The following RPL7L1 variants were observed in gnomAD, a reference collection of about 807,000 sequenced individuals.
RPL7L1 encodes the protein ribosomal protein uL30-like.
A neutral mutation model predicts 30.3 loss-of-function variants in RPL7L1; 20 were observed. The observed-to-expected ratio is 0.66, with a 90% CI of 0.46 to 0.96. RPL7L1 has a LOEUF of 0.96. Ranked by LOEUF, RPL7L1 falls within the 40% of genes least tolerant of loss-of-function variation. The pLI is 0.00. For missense variants in RPL7L1, 271 were observed against 314.9 expected (o/e 0.86, Z 1.05); for synonymous variants, 107 against 110.1 (o/e 0.97, Z 0.18).
At position 42,881,058 on chromosome 6, in the gene RPL7L1, T is replaced by C. The variant is rs1254414965; in HGVS notation, c.147+92T>C. The C allele has an allele frequency of 8.2e-6, 6 of 730,448 alleles. No individual in the cohort carries two copies. The Admixed American group carries it at 1.3e-4, about 16-fold the overall frequency. The allele number at this position is 730,448 out of a possible 1,614,324, so 45.2% of individuals were successfully genotyped here. ...TGGACTACATTTGGTATTGACGAGC[T>C]CCCCCCAACGGTTTGACAGACCAGG... On this transcript the variant is annotated intron_variant, in intron 2 of 5. Transcript: ENST00000493763.
rs1766326736 is a variant in RPL7L1 at position 42,887,736 on chromosome 6, ATC to A, written c.*1273_*1274del. On this transcript the variant is annotated 3_prime_UTR_variant, in exon 6 of 6. Transcript: ENST00000493763. ...GAAGGAGTCCTGCTTTGTTGCATGTATCCTAGGGTTTAATGTTGGTAAATGAG... is the reference window on the plus strand; with the variant it reads ...GAAGGAGTCCTGCTTTGTTGCATGTACTAGGGTTTAATGTTGGTAAATGAG... 4.6e-5 allele frequency: 7 copies of A among 151,508 alleles called. No individual in the cohort carries two copies. Among genetic ancestry groups the A allele is most frequent in the Non-Finnish European group, 7.4e-5 (5 of 67,790 alleles). The allele number at this position is 151,508 out of a possible 1,614,324, so 9.4% of individuals were successfully genotyped here. A position where few individuals can be genotyped will look rare whatever the true frequency, so the allele number is the denominator to read the frequency against.
intron 2 of RPL7L1, 127 bp downstream of exon 2, chr6:42,881,093 C>G (rs1370415145): frequency 6.2e-6 from 4 of 642,144 alleles, no homozygotes; most frequent in Non-Finnish European, 8.4e-6. Flanking sequence ...GTATAGTTGT[C>G]TCTCAGTGTC....
chr6:42,884,508 G>C, intron 3 of RPL7L1, 105 bp from the exon 4 acceptor site: 1 of 1,008,362 alleles, frequency 9.9e-7, no homozygotes, highest in Non-Finnish European at 1.5e-6. Context: ...CATAGTCTCT[G>C]TGTCTTATTC....
At chr6:42,883,419 A>C (rs1456656426) in intron 2 of RPL7L1, 32 bp from the exon 3 acceptor site, 2 of 1,518,712 alleles carry the variant, frequency 1.3e-6, no homozygotes, top group African/African-American at 2.8e-5. Context: ...ATGGAGGCAC[A>C]AGATGATGAT....
rs1232166632 is a variant in RPL7L1, at chr6:42,887,501, T to G, written c.*1037T>G. The G allele has an allele frequency of 6.6e-6, 1 of 152,048 alleles. No individual in the cohort carries two copies. Among genetic ancestry groups the G allele is most frequent in the Non-Finnish European group, 1.5e-5 (1 of 68,006 alleles). The allele number at this position is 152,048 out of a possible 1,614,324, so 9.4% of individuals were successfully genotyped here. A position where few individuals can be genotyped will look rare whatever the true frequency, so the allele number is the denominator to read the frequency against. ...AGGAGGCTGAGGCAGGAGAATCGCT[T>G]GAACCTGGGAGGTGGAAGTTGCAGT... On this transcript the variant is annotated 3_prime_UTR_variant, in exon 6 of 6. Coordinates refer to ENST00000493763, the MANE Select transcript of RPL7L1 (RefSeq NM_001366481.3).
In RPL7L1 at chr6:42,888,096, C is replaced by G. The variant is rs544905515; in HGVS notation, c.*1632C>G. 7.2e-5 allele frequency: 11 copies of G among 152,118 alleles called. No individual in the cohort carries two copies. Among genetic ancestry groups the G allele is most frequent in the African/African-American group, 2.4e-4 (10 of 41,496 alleles). The allele number at this position is 152,118 out of a possible 1,614,324, so 9.4% of individuals were successfully genotyped here. On this transcript the variant is annotated 3_prime_UTR_variant, in exon 6 of 6. Coordinates refer to ENST00000493763, the MANE Select transcript of RPL7L1 (RefSeq NM_001366481.3). ...TTCGCCAGGAAAACATGTATACACT[C>G]AAAATTTTGCTTGCAGTTCTAGGGT...
At chr6:42,880,309 T>C (rs965062738) in intron 1 of RPL7L1, among the ~76,000 whole-genome samples, 3 of 152,120 alleles carry the variant, frequency 2.0e-5, no homozygotes, top group African/African-American at 7.2e-5. Context: ...CCCTGTTAAC[T>C]TATACGAACC....
intron 3 of RPL7L1, among the ~76,000 whole-genome samples, chr6:42,884,312 A>G (rs1766185074): frequency 6.6e-6 from 1 of 152,146 alleles, no homozygotes; most frequent in Admixed American, 6.5e-5. Context: ...AATCTTCAGT[A>G]GCTTTTACTG....
At position 42,880,944 on chromosome 6, in the gene RPL7L1, A is replaced by T; in HGVS notation, c.125A>T (p.Gln42Leu). ...YQALKATQAKQALLAKKEQKK... is the reference protein window; with the variant it reads ...YQALKATQAKLALLAKKEQKK... ...GCCCTCAAAGCCACCCAGGCAAAGC[A>T]GGCACTTTTGGCAAAGAAGGAGGTA... The change falls in exon 2 of 6, where the codon CAG (glutamine) becomes CTG (leucine). Residue 42 changes from glutamine (Q) to leucine (L), a missense_variant. Physicochemically the swap from Gln to Leu is moderately radical, Grantham distance 113 (BLOSUM62 -2). Transcript: ENST00000493763. 6.3e-7 allele frequency: 1 copy of T among 1,589,712 alleles called. No individual in the cohort carries two copies. The highest frequency in any genetic ancestry group is 1.3e-5 in the African/African-American group (1 of 74,502).
In RPL7L1 at chr6:42,883,468, G is replaced by A. The variant is rs1445611555; in HGVS notation, c.165G>A (p.Gly55=). The A allele has an allele frequency of 1.9e-6, 3 of 1,589,362 alleles. No individual in the cohort carries two copies. The highest frequency in any genetic ancestry group is 2.3e-5 in the South Asian group (2 of 86,454). Reference sequence around the variant, plus strand: ...CTCTGTAGCAGAAGAAAGGAAAAGGGCTCAGGTTTAAGCGACTGGAATCAT... The same window carrying A: ...CTCTGTAGCAGAAGAAAGGAAAAGGACTCAGGTTTAAGCGACTGGAATCAT... ...LAKKEQKKGK[G]LRFKRLESFL... The change falls in exon 3 of 6, where the codon GGG becomes GGA. Residue 55 remains glycine (G), a synonymous_variant. Coordinates refer to ENST00000493763, the MANE Select transcript of RPL7L1 (RefSeq NM_001366481.3).
Position 42,886,662 on chromosome 6 carries a change from A to C in RPL7L1, c.*198A>C. 1.7e-6 allele frequency: 1 copy of C among 574,442 alleles called. No homozygotes were observed. Among genetic ancestry groups the C allele is most frequent in the East Asian group, 2.9e-5 (1 of 34,176 alleles). 35.6% of individuals were successfully genotyped at this position (574,442 alleles called of 1,614,324 possible). A position where few individuals can be genotyped will look rare whatever the true frequency, so the allele number is the denominator to read the frequency against. Reference sequence around the variant, plus strand: ...CTGATTAGGACATGGGGCTATGCATAGCCTAAGAGTTATAGGCTTAAAGAT... The same window carrying C: ...CTGATTAGGACATGGGGCTATGCATCGCCTAAGAGTTATAGGCTTAAAGAT... On this transcript the variant is annotated 3_prime_UTR_variant, in exon 6 of 6. Transcript: ENST00000493763.
At position 42,886,909 on chromosome 6, in the gene RPL7L1, G is replaced by A. The variant is rs192495885; in HGVS notation, c.*445G>A. On this transcript the variant is annotated 3_prime_UTR_variant, in exon 6 of 6. Transcript: ENST00000493763. Reference sequence around the variant, plus strand: ...CTCGAGAGGCTAAGGCAGGAAAATCGCTTGAACCCAGGAGGCAGAGATTGC... The same window carrying A: ...CTCGAGAGGCTAAGGCAGGAAAATCACTTGAACCCAGGAGGCAGAGATTGC... The A allele has an allele frequency of 4.2e-3, 654 of 157,374 alleles. 3 individuals are homozygous for A. Among genetic ancestry groups the A allele is most frequent in the Admixed American group, 7.1e-3 (116 of 16,414 alleles). The allele number at this position is 157,374 out of a possible 1,614,324, so 9.7% of individuals were successfully genotyped here.
rs1766297504 is a variant in RPL7L1, at chr6:42,887,017, G to A, written c.*553G>A. ...CGGAAAAAAAAAAAAAAAAACTATT[G>A]CTGCAGTCATTCAGATGGAAATGAG... On this transcript the variant is annotated 3_prime_UTR_variant, in exon 6 of 6. Transcript: ENST00000493763. 2 of 146,430 alleles carry A rather than the reference G, an allele frequency of 1.4e-5. No homozygotes were observed. The highest frequency in any genetic ancestry group is 7.1e-3 in the Middle Eastern group (2 of 280). 9.1% of individuals were successfully genotyped at this position (146,430 alleles called of 1,614,324 possible). A position where few individuals can be genotyped will look rare whatever the true frequency, so the allele number is the denominator to read the frequency against.
intron 4 of RPL7L1, among the ~76,000 whole-genome samples, chr6:42,885,307 G>A (rs1766221080): frequency 7.2e-6 from 1 of 139,398 alleles, no homozygotes; most frequent in African/African-American, 2.7e-5. Context: ...CTGAGATTGT[G>A]CCACTGCAAT....
chr6:42,885,749 A>G (rs1766244293), intron 4 of RPL7L1: 2 of 451,484 alleles, frequency 4.4e-6, no homozygotes. Context: ...TCCCTGGTGA[A>G]CATTTACATC....
In RPL7L1 at chr6:42,884,599, G is replaced by C. The variant is rs1212566009; in HGVS notation, c.312-14G>C. The C allele has an allele frequency of 6.2e-7, 1 of 1,610,512 alleles. No individual in the cohort carries two copies. Among genetic ancestry groups the C allele is most frequent in the Admixed American group, 1.7e-5 (1 of 59,912 alleles). ...GGAGGGAGTCTGTCTGACTTCTGTTGCTGTTCATTTCAGGATTGACGGCGT... is the reference window on the plus strand; with the variant it reads ...GGAGGGAGTCTGTCTGACTTCTGTTCCTGTTCATTTCAGGATTGACGGCGT... On this transcript the variant is annotated splice_polypyrimidine_tract_variant and intron_variant, in intron 3 of 5. Transcript: ENST00000493763.
rs533594680 is a variant in RPL7L1 at position 42,886,718 on chromosome 6, G to A, written c.*254G>A. On this transcript the variant is annotated 3_prime_UTR_variant, in exon 6 of 6. Coordinates refer to ENST00000493763, the MANE Select transcript of RPL7L1 (RefSeq NM_001366481.3). ...GTAACTAAAAACTGTATTGCTGGCC[G>A]GGCGCGGTGGCTCACGCCTGTAATC... 6.8e-4 allele frequency: 256 copies of A among 378,554 alleles called. 5 individuals are homozygous for A. The highest frequency in any genetic ancestry group is 1.9e-4 in the Non-Finnish European group (39 of 201,178). The allele number at this position is 378,554 out of a possible 1,614,324, so 23.4% of individuals were successfully genotyped here. A position where few individuals can be genotyped will look rare whatever the true frequency, so the allele number is the denominator to read the frequency against.
chr6:42,885,920 T>G (rs914036889), intron 4 of RPL7L1, 54 bp from the exon 5 acceptor site: 60 of 927,104 alleles, frequency 6.5e-5, no homozygotes, highest in Admixed American at 1.9e-4. Context: ...GCTGCAGGAC[T>G]GGTATGTAGT....
chr6:42,886,484 G>A lies in RPL7L1; in HGVS notation c.*20G>A. ...AACTAGACCCAGGTGAGGCAGGGCT[G>A]AAAACTGCCCTTGGGCTGACTTTTG... is the stretch of plus-strand genomic sequence containing the variant. On this transcript the variant is annotated 3_prime_UTR_variant, in exon 6 of 6. Transcript: ENST00000493763. 7.8e-7 allele frequency: 1 copy of A among 1,276,332 alleles called. No homozygotes were observed. Among genetic ancestry groups the A allele is most frequent in the Non-Finnish European group, 1.1e-6 (1 of 896,726 alleles). 79.1% of individuals were successfully genotyped at this position (1,276,332 alleles called of 1,614,324 possible).
Sources: allele counts gnomAD v4.1 joint callset (sites outside exome capture counted in the v4.1 genomes callset), GRCh38; gene constraint gnomAD v4.1.1; transcripts MANE v1.5; gene names NCBI Gene and HGNC (gene_info 2026-07-23, HGNC 2026-07-21).